COG5: variants seen among roughly 807,000 people sequenced by gnomAD.
COG5 encodes the protein component of oligomeric golgi complex 5.
A neutral mutation model predicts 110.4 loss-of-function variants in COG5; 86 were observed. The observed-to-expected ratio is 0.78, with a 90% CI of 0.65 to 0.93. The LOEUF is 0.93. COG5 is among the 40% of genes least tolerant of loss of function. The pLI, the probability that COG5 is intolerant of heterozygous loss-of-function variation, is 0.00. For missense variants in COG5, 1,077 were observed against 987.0 expected (o/e 1.09, Z -1.22); for synonymous variants, 360 against 334.6 (o/e 1.08, Z -0.83).
intron 19 of COG5, among the ~76,000 whole-genome samples, chr7:107,213,673 C>A (rs1036274432): frequency 7.9e-5 from 12 of 152,170 alleles, no homozygotes; most frequent in Non-Finnish European, 1.2e-4. Flanking sequence ...AGGCAGAGAC[C>A]CAGCCAACTA....
intron 17 of COG5, among the ~76,000 whole-genome samples, chr7:107,246,286 T>A (rs1802052477): frequency 6.6e-6 from 1 of 152,084 alleles, no homozygotes; most frequent in Non-Finnish European, 1.5e-5. Context: ...GGCAATACTA[T>A]CCTGAACAAA....
chr7:107,315,892 T>C (rs757108454), intron 11 of COG5, among the ~76,000 whole-genome samples: 15 of 152,310 alleles, frequency 9.8e-5, no homozygotes, highest in Non-Finnish European at 2.1e-4. Flanking sequence ...TAAGGTGAAA[T>C]ATTAATGGGA....
rs187302720 is a variant in COG5, at chr7:107,292,740, G to C, written c.1313+5402C>G. Among the ~76,000 whole-genome samples the C allele has an allele frequency of 2.0e-3, 305 of 152,290 alleles. 2 individuals are homozygous for C. Among genetic ancestry groups the C allele is most frequent in the African/African-American group, 6.9e-3 (288 of 41,560 alleles). On this transcript the variant is annotated intron_variant, in intron 12 of 21. Transcript: ENST00000297135. The stretch of plus-strand genomic sequence containing the variant: ...CCCAAACCTCCATGATTTAGTAGGA[G>C]AGAAGATAAGAGTAATCACCCCAGC...
intron 10 of COG5, among the ~76,000 whole-genome samples, chr7:107,327,660 C>A (rs1809888420): frequency 6.6e-6 from 1 of 152,016 alleles, no homozygotes; most frequent in Non-Finnish European, 1.5e-5. Context: ...TTCTCCAAAG[C>A]AAATAAATAA....
chr7:107,423,804 GA>G (rs1310257324), intron 6 of COG5, among the ~76,000 whole-genome samples: 1 of 152,080 alleles, frequency 6.6e-6, no homozygotes, highest in African/African-American at 2.4e-5. Flanking sequence ...ATGCAAGGAA[GA>G]TACACACTGA....
At chr7:107,384,983 A>G (rs2129054356) in intron 7 of COG5, among the ~76,000 whole-genome samples, 1 of 152,364 alleles carries the variant, frequency 6.6e-6, no homozygotes, top group African/African-American at 2.4e-5. Flanking sequence ...TCCAAAAATC[A>G]TGTCCAACCA....
chr7:107,375,525 C>T (rs1231542712), intron 7 of COG5, among the ~76,000 whole-genome samples: 1 of 152,032 alleles, frequency 6.6e-6, no homozygotes, highest in African/African-American at 2.4e-5. Flanking sequence ...TTCAAATGAT[C>T]ATTCCTTTAA....
chr7:107,527,213 A>AT lies in COG5; in HGVS notation c.538+23dup, dbSNP rs201079440. ...ATATTTAAATCTCTACTAACTTTTTATTTAAAAAAAAAAAAAAACTTACCA... is the reference window on the plus strand; with the variant it reads ...ATATTTAAATCTCTACTAACTTTTTATTTTAAAAAAAAAAAAAAACTTACCA... On this transcript the variant is annotated intron_variant, in intron 6 of 21. Coordinates refer to ENST00000297135, the MANE Select transcript of COG5 (RefSeq NM_006348.5). 379 of 1,467,862 alleles carry AT rather than the reference A, an allele frequency of 2.6e-4. No homozygotes were observed. In the African/African-American group the frequency reaches 3.2e-3, roughly 13 times the overall value. The allele number at this position is 1,467,862 out of a possible 1,614,324, so 90.9% of individuals were successfully genotyped here.
intron 6 of COG5, among the ~76,000 whole-genome samples, chr7:107,513,233 C>G (rs1282393886): frequency 1.3e-5 from 2 of 152,086 alleles, no homozygotes; most frequent in African/African-American, 4.8e-5. Context: ...AAAAAGTGGG[C>G]AAAGGATATG....
chr7:107,456,823 G>A (rs576907581), intron 6 of COG5, among the ~76,000 whole-genome samples: 9 of 152,278 alleles, frequency 5.9e-5, no homozygotes, highest in Admixed American at 5.2e-4. Context: ...GCTAAAAAGG[G>A]AGATACCATT....
chr7:107,356,628 A>AT (rs749732296), intron 10 of COG5, among the ~76,000 whole-genome samples: 2 of 151,974 alleles, frequency 1.3e-5, no homozygotes, highest in African/African-American at 2.4e-5. Context: ...ATTTCAGTAC[A>AT]TTTTTTTTAA....
chr7:107,394,399 T>C (rs1790841445), intron 7 of COG5, among the ~76,000 whole-genome samples: 1 of 152,186 alleles, frequency 6.6e-6, no homozygotes, highest in Non-Finnish European at 1.5e-5. Context: ...GAAATAATTA[T>C]GATGTGATTT....
At chr7:107,434,956 C>A (rs987625729) in intron 6 of COG5, among the ~76,000 whole-genome samples, 1 of 148,884 alleles carries the variant, frequency 6.7e-6, no homozygotes, top group African/African-American at 2.5e-5. Flanking sequence ...GACGACAGAG[C>A]GAGACTCCGT....
At chr7:107,372,789 C>T (rs767538266) in intron 7 of COG5, 29 bp from the exon 8 acceptor site, 6 of 1,609,588 alleles carry the variant, frequency 3.7e-6, no homozygotes, top group Non-Finnish European at 5.1e-6. Flanking sequence ...GGGGTGGAAA[C>T]AGATATAAAT....
At chr7:107,357,853 G>A (rs929189552) in intron 10 of COG5, among the ~76,000 whole-genome samples, 2 of 152,140 alleles carry the variant, frequency 1.3e-5, no homozygotes, top group Admixed American at 1.3e-4. Flanking sequence ...AGTTTTTGTA[G>A]AGATGTGGTC....
chr7:107,380,254 C>G (rs1418933561), intron 7 of COG5, among the ~76,000 whole-genome samples: 1 of 151,946 alleles, frequency 6.6e-6, no homozygotes, highest in Non-Finnish European at 1.5e-5. Context: ...ATTAAAAGAA[C>G]TAGAGAAGCA....
At chr7:107,529,810 C>T (rs1193566132) in intron 5 of COG5, among the ~76,000 whole-genome samples, 1 of 152,130 alleles carries the variant, frequency 6.6e-6, no homozygotes, top group African/African-American at 2.4e-5. Flanking sequence ...CTGCCTTATG[C>T]CCCTCAGTCG....
rs547456551 is a variant in COG5, at chr7:107,533,311, G to A, written c.418-5954C>T. Among the ~76,000 whole-genome samples the A allele has an allele frequency of 1.7e-3, 255 of 151,678 alleles. 8 individuals carry two copies. Among genetic ancestry groups the A allele is most frequent in the African/African-American group, 5.8e-3 (238 of 41,006 alleles). On this transcript the variant is annotated intron_variant, in intron 5 of 21. Coordinates refer to ENST00000297135, the MANE Select transcript of COG5 (RefSeq NM_006348.5). ...CAGCAAGGGAACAAAAGTGGATGGG[G>A]AATCAGTTTGACAAATTGACAGAAG...
At chr7:107,304,320 T>C (rs77448317) in intron 11 of COG5, among the ~76,000 whole-genome samples, 5,225 of 152,274 alleles carry the variant, frequency 0.034, 291 homozygotes, top group African/African-American at 0.12. Context: ...TTTTCTTCCC[T>C]AGCCCTGAAC....
Sources: allele counts gnomAD v4.1 joint callset (sites outside exome capture counted in the v4.1 genomes callset), GRCh38; gene constraint gnomAD v4.1.1; transcripts MANE v1.5; gene names NCBI Gene and HGNC (gene_info 2026-07-23, HGNC 2026-07-21).